Variants in CIBAR2 observed in about 807,000 individuals in gnomAD.
CIBAR2 encodes CBY1-interacting BAR domain-containing protein 2.
CIBAR2 carries 38 observed loss-of-function variants against 36.2 expected under a neutral mutation model. The ratio of observed to expected loss-of-function variants is 1.05; its 90% confidence interval spans 0.81 to 1.38. The LOEUF is 1.38. Among genes scored for constraint, CIBAR2 ranks in the 40% most tolerant of loss-of-function variants. The pLI, the probability that CIBAR2 is intolerant of heterozygous loss-of-function variation, is 0.00. For missense variants in CIBAR2, 481 were observed against 383.4 expected (o/e 1.25, Z -2.13); for synonymous variants, 182 against 149.5 (o/e 1.22, Z -1.58).
Position 85,098,601 on chromosome 16 carries a change from C to A in CIBAR2, c.*584G>T. 2.0e-6 allele frequency: 2 copies of A among 986,020 alleles called. No individual in the cohort carries two copies. Among genetic ancestry groups the A allele is most frequent in the Non-Finnish European group, 2.4e-6 (2 of 830,020 alleles). 61.1% of individuals were successfully genotyped at this position (986,020 alleles called of 1,614,324 possible). A position where few individuals can be genotyped will look rare whatever the true frequency, so the allele number is the denominator to read the frequency against. On this transcript the variant is annotated 3_prime_UTR_variant, in exon 9 of 9. Coordinates refer to ENST00000539556, the MANE Select transcript of CIBAR2 (RefSeq NM_198491.3). The stretch of plus-strand genomic sequence containing the variant: ...GTCCCTGCCCCAGTGCCCTGAGGTC[C>A]TCCACGGGGGCCTCCTCCATGGAGT...
rs376467707 is a variant in CIBAR2, at chr16:85,110,209, G to A, written c.255+17C>T. ...GGGTACCCCTCAGCATCCCAGACCC[G>A]GGCCGGCAGCACTCACCTGGGCCTG... On this transcript the variant is annotated intron_variant, in intron 2 of 8. Transcript: ENST00000539556. 251 of 1,531,198 alleles carry A rather than the reference G, an allele frequency of 1.6e-4. No homozygotes were observed. Among genetic ancestry groups the A allele is most frequent in the African/African-American group, 2.1e-4 (15 of 72,558 alleles). 94.9% of individuals were successfully genotyped at this position (1,531,198 alleles called of 1,614,324 possible).
At chr16:85,107,577 A>G (rs1469031986) in intron 5 of CIBAR2, 90 bp downstream of exon 5, 19 of 1,389,892 alleles carry the variant, frequency 1.4e-5, no homozygotes, top group Non-Finnish European at 1.9e-5. Flanking sequence ...CACCTGCTTC[A>G]GACCAGGTAA....
intron 2 of CIBAR2, among the ~76,000 whole-genome samples, chr16:85,109,453 T>A (rs2074023535): frequency 6.6e-6 from 1 of 152,164 alleles, no homozygotes; most frequent in South Asian, 2.1e-4. Flanking sequence ...GTGCGATCTT[T>A]CTTGGACTGC....
chr16:85,107,615 T>G, intron 5 of CIBAR2, 52 bp downstream of exon 5: 2 of 1,599,900 alleles, frequency 1.3e-6, no homozygotes, highest in Non-Finnish European at 1.7e-6. Flanking sequence ...TGTGAGGTCG[T>G]GTATTTCCTA....
chr16:85,111,295 C>A (rs898008795), intron 1 of CIBAR2, among the ~76,000 whole-genome samples: 1 of 152,196 alleles, frequency 6.6e-6, no homozygotes, highest in Non-Finnish European at 1.5e-5. Context: ...CTGCAAAACA[C>A]TCCACATGCA....
chr16:85,101,522 C>T (rs886934003), intron 7 of CIBAR2, among the ~76,000 whole-genome samples: 5 of 152,056 alleles, frequency 3.3e-5, no homozygotes, highest in Non-Finnish European at 5.9e-5. Context: ...ACTAGGCTTG[C>T]GGAAGGGTGT....
At chr16:85,108,122 G>A (rs1258278258) in intron 2 of CIBAR2, 23 bp from the exon 3 acceptor site, 1 of 1,593,298 alleles carries the variant, frequency 6.3e-7, no homozygotes, top group Non-Finnish European at 8.5e-7. Context: ...GGACACCAGG[G>A]GATCTGAGCG....
intron 6 of CIBAR2, among the ~76,000 whole-genome samples, chr16:85,104,864 C>G (rs937535541): frequency 1.7e-4 from 26 of 152,328 alleles, no homozygotes; most frequent in African/African-American, 6.3e-4. Flanking sequence ...AGAGCTGGGG[C>G]TCTGGGCCCG....
chr16:85,100,319 T>A (rs2073945878), intron 7 of CIBAR2, 79 bp from the exon 8 acceptor site: 1 of 878,238 alleles, frequency 1.1e-6, no homozygotes, highest in South Asian at 1.5e-5. Context: ...GGAAAGACGG[T>A]GGGGACGAGA....
chr16:85,105,952 A>G (rs1449425545), intron 5 of CIBAR2, among the ~76,000 whole-genome samples: 4 of 152,194 alleles, frequency 2.6e-5, no homozygotes, highest in Non-Finnish European at 1.5e-5. Context: ...TTTGCCACTT[A>G]ACTGCCTGTG....
chr16:85,112,301 C>A (rs753328654), intron 1 of CIBAR2, 32 bp downstream of exon 1: 1 of 1,612,582 alleles, frequency 6.2e-7, no homozygotes, highest in East Asian at 2.2e-5. Context: ...CTTCCACCTC[C>A]CTCACAGCCA....
At chr16:85,102,681 A>C (rs2073964995) in intron 6 of CIBAR2, among the ~76,000 whole-genome samples, 1 of 152,106 alleles carries the variant, frequency 6.6e-6, no homozygotes, top group South Asian at 2.1e-4. Context: ...AATAAATATA[A>C]AGTATGCCAA....
chr16:85,110,400 C>T lies in CIBAR2; in HGVS notation c.81G>A (p.Gln27=). 6.2e-7 allele frequency: 1 copy of T among 1,613,538 alleles called. No homozygotes were observed. The highest frequency in any genetic ancestry group is 8.5e-7 in the Non-Finnish European group (1 of 1,179,804). The part of the protein sequence containing the change: ...TVANTEKYFG[Q]FCSLLAAYTR... ...TGTAGGCGGCCAGCAGCGAGCAGAA[C>T]TGCCCAAAGTACTTCTCGGTGTTGG... The change falls in exon 2 of 9, where the codon CAG becomes CAA. Residue 27 remains glutamine (Q), a synonymous_variant. Transcript: ENST00000539556.
intron 5 of CIBAR2, 142 bp downstream of exon 5, chr16:85,107,525 G>T: frequency 2.4e-6 from 2 of 850,740 alleles, no homozygotes; most frequent in East Asian, 4.9e-5. Context: ...CCTTTTTACT[G>T]GTACCTTTGG....
At chr16:85,110,720 T>G (rs184984084) in intron 1 of CIBAR2, among the ~76,000 whole-genome samples, 1 of 135,404 alleles carries the variant, frequency 7.4e-6, no homozygotes, top group East Asian at 2.0e-4. Context: ...TTTTTTTTTT[T>G]TGGAGACAGA....
chr16:85,100,095 G>A (rs377580020), intron 8 of CIBAR2, 44 bp downstream of exon 8: 112 of 1,489,028 alleles, frequency 7.5e-5, no homozygotes, highest in Non-Finnish European at 7.9e-5. Context: ...TCCAGGCCGT[G>A]CACGACATTT....
intron 6 of CIBAR2, among the ~76,000 whole-genome samples, chr16:85,103,118 G>C (rs1423295795): frequency 6.6e-6 from 1 of 152,256 alleles, no homozygotes; most frequent in South Asian, 2.1e-4. Context: ...GGCCAGGATG[G>C]TCTCGAACTC....
At chr16:85,110,085 A>C in intron 2 of CIBAR2, 141 bp downstream of exon 2, 1 of 605,670 alleles carries the variant, frequency 1.7e-6, no homozygotes, top group Non-Finnish European at 2.8e-6. Context: ...AAAGGGTGTA[A>C]ATGTCCATTG....
intron 8 of CIBAR2, 60 bp downstream of exon 8, chr16:85,100,079 G>A (rs536121181): frequency 6.1e-5 from 80 of 1,316,492 alleles, no homozygotes; most frequent in Middle Eastern, 2.1e-4. Context: ...TTACTACCAC[G>A]GGCCTTCCAG....
Sources: gnomAD v4.1 joint callset for allele counts (sites outside exome capture counted in the v4.1 genomes callset) on GRCh38, gnomAD v4.1.1 for gene constraint, MANE v1.5 for transcripts, NCBI Gene and HGNC (gene_info 2026-07-23, HGNC 2026-07-21) for gene names.